CADM2: variants seen among roughly 807,000 people sequenced by gnomAD.
The protein encoded by CADM2 is cell adhesion molecule 2, also known as immunoglobulin superfamily member 4D.
CADM2 carries 12 observed loss-of-function variants against 49.8 expected under a neutral mutation model. That is an observed-to-expected ratio of 0.24 (90% CI 0.15 to 0.39). The LOEUF (loss-of-function observed/expected upper bound fraction) is 0.39, where lower values mean the gene tolerates loss of function less well. Ranked by LOEUF, CADM2 falls within the 10% of genes least tolerant of loss-of-function variation. CADM2 has a pLI of 1.00. For synonymous variants in CADM2, 214 were observed against 175.4 expected (o/e 1.22, Z -1.74); for missense variants, 378 against 492.3 (o/e 0.77, Z 2.20).
chr3:85,438,232 C>T (rs1206516019), intron 1 of CADM2, among the ~76,000 whole-genome samples: 2 of 151,822 alleles, frequency 1.3e-5, no homozygotes, highest in Non-Finnish European at 2.9e-5. Context: ...AAAAAATTTA[C>T]TTATCTTTTT....
At chr3:85,898,956 T>TATATATATATATATATA (rs58838667) in intron 5 of CADM2, among the ~76,000 whole-genome samples, 43 of 21,752 alleles carry the variant, frequency 2.0e-3, no homozygotes, top group South Asian at 6.6e-3. Flanking sequence ...TATATATATA[T>TATATATATATATATATA]TTTTTTTTTT....
intron 1 of CADM2, among the ~76,000 whole-genome samples, chr3:85,697,185 A>G (rs139803413): frequency 2.4e-3 from 366 of 151,654 alleles, no homozygotes; most frequent in Non-Finnish European, 4.2e-3. Flanking sequence ...ATCACAGATG[A>G]AAACAATGTA....
intron 1 of CADM2, among the ~76,000 whole-genome samples, chr3:85,230,384 A>G (rs1024732885): frequency 6.6e-6 from 1 of 152,200 alleles, no homozygotes; most frequent in Non-Finnish European, 1.5e-5. Flanking sequence ...CCATTAGTGC[A>G]AGTAATCGAG....
chr3:85,972,127 T>G (rs2108644733), intron 8 of CADM2, among the ~76,000 whole-genome samples: 1 of 151,752 alleles, frequency 6.6e-6, no homozygotes, highest in Non-Finnish European at 1.5e-5. Flanking sequence ...TTTGGTGCTG[T>G]TATCCACTTT....
At chr3:85,774,418 C>A (rs1027469266) in intron 2 of CADM2, among the ~76,000 whole-genome samples, 5 of 151,654 alleles carry the variant, frequency 3.3e-5, no homozygotes, top group African/African-American at 1.2e-4. Context: ...TCTGTAGTCA[C>A]CATATGCCAA....
intron 1 of CADM2, chr3:85,385,924 G>T (rs1041496991): frequency 1.2e-4 from 18 of 148,328 alleles, no homozygotes; most frequent in Non-Finnish European, 4.4e-5. Flanking sequence ...TATTCATTTT[G>T]CATGTTACAT....
intron 1 of CADM2, among the ~76,000 whole-genome samples, chr3:84,982,611 A>G (rs1207046073): frequency 6.7e-6 from 1 of 150,112 alleles, no homozygotes; most frequent in Non-Finnish European, 1.5e-5. Flanking sequence ...TCCTAAAAAT[A>G]AAATAGATTA....
At chr3:85,710,121 T>C (rs9309987) in intron 1 of CADM2, among the ~76,000 whole-genome samples, 7,921 of 152,176 alleles carry the variant, frequency 0.052, 575 homozygotes, top group African/African-American at 0.16. Context: ...TTTCCTATAG[T>C]GTATGTATAG....
rs369624766 is a variant in CADM2 at position 85,225,248 on chromosome 3, C to A, written c.61+265580C>A. On this transcript the variant is annotated intron_variant, in intron 1 of 9. Transcript: ENST00000383699. Reference sequence around the variant, plus strand: ...CTATCCATGATCATAGAATGTTCTTCCGTTTGTATGTCTCCTCTTTTATTT... The same window carrying A: ...CTATCCATGATCATAGAATGTTCTTACGTTTGTATGTCTCCTCTTTTATTT... 1.8e-3 allele frequency among the ~76,000 whole-genome samples: 272 copies of A among 152,224 alleles called. 1 individual carries two copies. The highest frequency in any genetic ancestry group is 6.3e-3 in the African/African-American group (261 of 41,542).
In CADM2 at chr3:85,961,489, C is replaced by G; in HGVS notation, c.812C>G (p.Thr271Arg). Residue 271 changes from threonine (T) to arginine (R), a missense_variant, in exon 8 of 10, where the codon ACA becomes AGA. Thr to Arg is a moderately conservative substitution (Grantham distance 71). Transcript: ENST00000383699. ...AATAGGCCAGAACCTGTTTTGTGGA[C>G]AAAGGATGGCGGAGAATTACCAGAT... ...GKPLPEPVLW[T>R]KDGGELPDPD... 1 of 1,602,236 alleles carries G rather than the reference C, an allele frequency of 6.2e-7. No individual in the cohort carries two copies. The highest frequency in any genetic ancestry group is 8.5e-7 in the Non-Finnish European group (1 of 1,171,784).
intron 1 of CADM2, among the ~76,000 whole-genome samples, chr3:85,170,278 T>G (rs1446226316): frequency 6.6e-6 from 1 of 152,168 alleles, no homozygotes; most frequent in Admixed American, 6.5e-5. Flanking sequence ...GTAGATGTCT[T>G]TTAGGTAAAA....
chr3:85,876,982 A>G (rs778894777), intron 3 of CADM2, among the ~76,000 whole-genome samples: 4 of 152,160 alleles, frequency 2.6e-5, no homozygotes, highest in Non-Finnish European at 5.9e-5. Flanking sequence ...TTTAAAACCA[A>G]CGGTGTATTG....
At chr3:85,411,756 T>A (rs975129903) in intron 1 of CADM2, among the ~76,000 whole-genome samples, 4 of 152,208 alleles carry the variant, frequency 2.6e-5, no homozygotes, top group Non-Finnish European at 5.9e-5. Flanking sequence ...GTTGAGAAGT[T>A]ATGCAAAATG....
intron 1 of CADM2, among the ~76,000 whole-genome samples, chr3:85,490,872 A>C (rs2039642038): frequency 6.6e-6 from 1 of 152,234 alleles, no homozygotes; most frequent in East Asian, 1.9e-4. Flanking sequence ...TAGTACAAAT[A>C]TTCTTGAAGC....
At chr3:85,007,579 A>G (rs1172867733) in intron 1 of CADM2, among the ~76,000 whole-genome samples, 1 of 152,204 alleles carries the variant, frequency 6.6e-6, no homozygotes, top group Non-Finnish European at 1.5e-5. Context: ...TAACTCCGAG[A>G]GAATGCTTTA....
At chr3:85,270,192 T>A (rs1048835881) in intron 1 of CADM2, among the ~76,000 whole-genome samples, 7 of 151,376 alleles carry the variant, frequency 4.6e-5, no homozygotes, top group African/African-American at 1.7e-4. Context: ...ATCAGTCCTA[T>A]AGATGCACTC....
At chr3:85,606,734 G>A (rs2063549435) in intron 1 of CADM2, among the ~76,000 whole-genome samples, 1 of 151,996 alleles carries the variant, frequency 6.6e-6, no homozygotes, top group Non-Finnish European at 1.5e-5. Context: ...GTGGAAGAAC[G>A]GAATGTGAAG....
intron 1 of CADM2, among the ~76,000 whole-genome samples, chr3:85,300,814 A>C (rs1221552174): frequency 6.6e-6 from 1 of 152,114 alleles, no homozygotes; most frequent in Non-Finnish European, 1.5e-5. Flanking sequence ...TGGGGGTCAA[A>C]GTGGGAGGGA....
At chr3:85,837,302 T>C (rs749125835) in intron 3 of CADM2, among the ~76,000 whole-genome samples, 1 of 151,718 alleles carries the variant, frequency 6.6e-6, no homozygotes, top group Non-Finnish European at 1.5e-5. Context: ...AACTGGATAA[T>C]GTAATGTTTT....
Sources: gnomAD v4.1 joint callset for allele counts (sites outside exome capture counted in the v4.1 genomes callset) on GRCh38, gnomAD v4.1.1 for gene constraint, MANE v1.5 for transcripts, NCBI Gene and HGNC (gene_info 2026-07-23, HGNC 2026-07-21) for gene names.